MAGEA3: variants seen among roughly 807,000 people sequenced by gnomAD.
The protein encoded by MAGEA3 is MAGE family member A3.
For missense variants in MAGEA3, 207 were observed against 239.1 expected, an observed-to-expected ratio of 0.87 and a Z score of 0.89; for synonymous variants, 110 against 102.2, an observed-to-expected ratio of 1.08 and a Z score of -0.46.
Position 152,701,128 on chromosome X carries a change from C to T in MAGEA3, c.296C>T (p.Pro99Leu), listed in dbSNP as rs1931735709. The change falls in exon 3 of 3, where the codon CCT (proline) becomes CTT (leucine). Residue 99 changes from proline (P) to leucine (L), a missense_variant. Pro to Leu is a moderately conservative substitution (Grantham distance 98). Coordinates refer to ENST00000370278, the MANE Select transcript of MAGEA3 (RefSeq NM_005362.4). ...GAAGAGGAGGGGCCAAGCACCTTCCCTGACCTGGAGTCCGAGTTCCAAGCA... is the reference window on the plus strand; with the variant it reads ...GAAGAGGAGGGGCCAAGCACCTTCCTTGACCTGGAGTCCGAGTTCCAAGCA... The part of the protein sequence containing the change: ...NQEEEGPSTF[P>L]DLESEFQAAL... 33 of 1,206,226 alleles carry T rather than the reference C, an allele frequency of 2.7e-5. No homozygotes were observed. Among genetic ancestry groups the T allele is most frequent in the Non-Finnish European group, 3.7e-5 (33 of 893,348 alleles).
chrX:152,700,041 C>A (rs1186020433), intron 1 of MAGEA3, among the ~76,000 whole-genome samples: 1 of 106,690 alleles, frequency 9.4e-6, no homozygotes, highest in Non-Finnish European at 1.9e-5. Flanking sequence ...GCAGTCTCCT[C>A]ACCCAGGGTA....
chrX:152,701,230 C>G lies in MAGEA3; in HGVS notation c.398C>G (p.Ala133Gly), dbSNP rs2124945558. The change falls in exon 3 of 3, where the codon GCA becomes GGA. Residue 133 changes from alanine to glycine, a missense_variant. Coordinates refer to ENST00000370278, the MANE Select transcript of MAGEA3 (RefSeq NM_005362.4). ...CGAGCCAGGGAGCCGGTCACAAAGGCAGAAATGCTGGGGAGTGTCGTCGGA... is the reference window on the plus strand; with the variant it reads ...CGAGCCAGGGAGCCGGTCACAAAGGGAGAAATGCTGGGGAGTGTCGTCGGA... The part of the protein sequence containing the change: ...KYRAREPVTK[A>G]EMLGSVVGNW... The G allele has an allele frequency of 7.4e-6, 9 of 1,209,970 alleles. No individual in the cohort carries two copies. The highest frequency in any genetic ancestry group is 1.0e-5 in the Non-Finnish European group (9 of 894,274).
rs149483923 is a variant in MAGEA3 at position 152,701,529 on chromosome X, G to T, written c.697G>T (p.Gly233Trp). Reference protein sequence around the residue: ...EELSVLEVFEGREDSILGDPK... With the variant: ...EELSVLEVFEWREDSILGDPK... ...GCTGAGTGTGTTAGAGGTGTTTGAG[G>T]GGAGGGAAGACAGTATCTTGGGGGA... Residue 233 changes from glycine (G) to tryptophan (W), a missense_variant, in exon 3 of 3, where the codon GGG becomes TGG. Transcript: ENST00000370278. 1 of 1,210,410 alleles carries T rather than the reference G, an allele frequency of 8.3e-7. No homozygotes were observed. Among genetic ancestry groups the T allele is most frequent in the South Asian group, 1.8e-5 (1 of 56,873 alleles).
At chrX:152,700,330 C>T (rs1184614170) in intron 1 of MAGEA3, among the ~76,000 whole-genome samples, 4 of 104,809 alleles carry the variant, frequency 3.8e-5, no homozygotes, top group Admixed American at 3.0e-4. Flanking sequence ...TCCGTGGCTG[C>T]GTTTGCTGTC....
At position 152,701,568 on chromosome X, in the gene MAGEA3, C is replaced by T. The variant is rs1931765822; in HGVS notation, c.736C>T (p.Leu246Phe). 1 of 1,208,916 alleles carries T rather than the reference C, an allele frequency of 8.3e-7. No individual in the cohort carries two copies. The highest frequency in any genetic ancestry group is 1.7e-5 in the African/African-American group (1 of 57,288). Residue 246 changes from leucine to phenylalanine, a missense_variant, in exon 3 of 3, where the codon CTC (leucine) becomes TTC (phenylalanine). Leu to Phe is a conservative substitution (Grantham distance 22). Transcript: ENST00000370278. ...DSILGDPKKL[L>F]TQHFVQENYL... is the part of the protein sequence containing the mutation. ...TATCTTGGGGGATCCCAAGAAGCTG[C>T]TCACCCAACATTTCGTGCAGGAAAA...
In MAGEA3 at chrX:152,702,178, G is replaced by A. The variant is rs1464812574; in HGVS notation, c.*401G>A. The A allele has an allele frequency of 2.4e-5, 4 of 168,897 alleles. No homozygotes were observed. The South Asian group carries it at 6.7e-4, about 28-fold the overall frequency. The allele number at this position is 168,897 out of a possible 1,213,427, so 13.9% of individuals were successfully genotyped here. A position where few individuals can be genotyped will look rare whatever the true frequency, so the allele number is the denominator to read the frequency against. On this transcript the variant is annotated 3_prime_UTR_variant, in exon 3 of 3. Coordinates refer to ENST00000370278, the MANE Select transcript of MAGEA3 (RefSeq NM_005362.4). ...AAAGTATTTGCTTAAAATTGTGAGCGAATTAGCAATAACATACATGAGATA... is the reference window on the plus strand; with the variant it reads ...AAAGTATTTGCTTAAAATTGTGAGCAAATTAGCAATAACATACATGAGATA...
In MAGEA3 at chrX:152,701,548, TG is replaced by T. The variant is rs1931764511; in HGVS notation, c.721del (p.Asp241IlefsTer44). 6 of 1,208,791 alleles carry T rather than the reference TG, an allele frequency of 5.0e-6. No homozygotes were observed. On this transcript the variant is annotated frameshift_variant, in exon 3 of 3. Transcript: ENST00000370278. LOFTEE classifies it low-confidence loss of function (END_TRUNC). Reference sequence around the variant, plus strand: ...TTTGAGGGGAGGGAAGACAGTATCTTGGGGGATCCCAAGAAGCTGCTCACCC... The same window carrying T: ...TTTGAGGGGAGGGAAGACAGTATCTTGGGGATCCCAAGAAGCTGCTCACCC... ...EVFEGREDSI[L>X]GDPKKLLTQH...
rs782578227 is a variant in MAGEA3 at position 152,701,396 on chromosome X, C to T, written c.564C>T (p.Gly188=). The T allele has an allele frequency of 2.2e-5, 26 of 1,208,929 alleles. No individual in the cohort carries two copies. The Admixed American group carries it at 3.9e-4, about 18-fold the overall frequency. The change falls in exon 3 of 3, where the codon GGC becomes GGT. Residue 188 remains glycine (G), a synonymous_variant. Transcript: ENST00000370278. ...FATCLGLSYD[G]LLGDNQIMPK... ...CCTGCCTGGGCCTCTCCTACGATGG[C>T]CTGCTGGGTGACAATCAGATCATGC...
rs1556827186 is a variant in MAGEA3 at position 152,701,736 on chromosome X, C to G, written c.904C>G (p.Pro302Ala). The change falls in exon 3 of 3, where the codon CCA (proline) becomes GCA (alanine). Residue 302 changes from proline to alanine, a missense_variant. Transcript: ENST00000370278. ...CAGTGGAGGACCTCACATTTCCTAC[C>G]CACCCCTGCATGAGTGGGTTTTGAG... ...KISGGPHISY[P>A]PLHEWVLREG... The G allele has an allele frequency of 1.7e-6, 2 of 1,208,104 alleles. No homozygotes were observed. The highest frequency in any genetic ancestry group is 3.5e-5 in the African/African-American group (2 of 57,171).
At position 152,701,783 on chromosome X, in the gene MAGEA3, A is replaced by C. The variant is rs1931782442; in HGVS notation, c.*6A>C. 3.4e-5 allele frequency: 41 copies of C among 1,200,685 alleles called. No homozygotes were observed. The South Asian group carries it at 6.9e-4, about 20-fold the overall frequency. On this transcript the variant is annotated 3_prime_UTR_variant, in exon 3 of 3. Coordinates refer to ENST00000370278, the MANE Select transcript of MAGEA3 (RefSeq NM_005362.4). ...TGAGAGAGGGGGAAGAGTGAGTCTG[A>C]GCACGAGTTGCAGCCAGGGCCAGTG...
At position 152,701,828 on chromosome X, in the gene MAGEA3, G is replaced by A. The variant is rs1556827308; in HGVS notation, c.*51G>A. On this transcript the variant is annotated 3_prime_UTR_variant, in exon 3 of 3. Transcript: ENST00000370278. The stretch of plus-strand genomic sequence containing the variant: ...CCAGTGGGAGGGGGTCTGGGCCAGT[G>A]CACCTTCCGGGGCCGCATCCCTTAG... The A allele has an allele frequency of 6.6e-5, 75 of 1,136,559 alleles. No homozygotes were observed. The highest frequency in any genetic ancestry group is 8.3e-5 in the Non-Finnish European group (70 of 843,432). The allele number at this position is 1,136,559 out of a possible 1,213,427, so 93.7% of individuals were successfully genotyped here. A position where few individuals can be genotyped will look rare whatever the true frequency, so the allele number is the denominator to read the frequency against.
At position 152,701,218 on chromosome X, in the gene MAGEA3, C is replaced by G; in HGVS notation, c.386C>G (p.Pro129Arg). 14 of 1,209,861 alleles carry G rather than the reference C, an allele frequency of 1.2e-5. No individual in the cohort carries two copies. Among genetic ancestry groups the G allele is most frequent in the South Asian group, 1.8e-5 (1 of 56,849 alleles). Reference protein sequence around the residue: ...FLLLKYRAREPVTKAEMLGSV... With the variant: ...FLLLKYRARERVTKAEMLGSV... ...CTCCTCAAGTATCGAGCCAGGGAGCCGGTCACAAAGGCAGAAATGCTGGGG... is the reference window on the plus strand; with the variant it reads ...CTCCTCAAGTATCGAGCCAGGGAGCGGGTCACAAAGGCAGAAATGCTGGGG... The change falls in exon 3 of 3, where the codon CCG becomes CGG. Residue 129 changes from proline (P) to arginine (R), a missense_variant. Coordinates refer to ENST00000370278, the MANE Select transcript of MAGEA3 (RefSeq NM_005362.4).
chrX:152,701,566 T>G lies in MAGEA3; in HGVS notation c.734T>G (p.Leu245Arg). ...EDSILGDPKK[L>R]LTQHFVQENY... Reference sequence around the variant, plus strand: ...AGTATCTTGGGGGATCCCAAGAAGCTGCTCACCCAACATTTCGTGCAGGAA... The same window carrying G: ...AGTATCTTGGGGGATCCCAAGAAGCGGCTCACCCAACATTTCGTGCAGGAA... Residue 245 changes from leucine to arginine, a missense_variant, in exon 3 of 3, where the codon CTG (leucine) becomes CGG (arginine). Physicochemically the swap from Leu to Arg is moderately radical, Grantham distance 102 (BLOSUM62 -2). Coordinates refer to ENST00000370278, the MANE Select transcript of MAGEA3 (RefSeq NM_005362.4). 1 of 1,210,414 alleles carries G rather than the reference T, an allele frequency of 8.3e-7. No homozygotes were observed. Among genetic ancestry groups the G allele is most frequent in the Non-Finnish European group, 1.1e-6 (1 of 894,515 alleles).
intron 1 of MAGEA3, 39 bp from the exon 2 acceptor site, chrX:152,700,583 C>T (rs1305005085): frequency 2.2e-5 from 13 of 597,202 alleles, no homozygotes; most frequent in African/African-American, 4.8e-5. Flanking sequence ...ATGCGCTGGC[C>T]GGATGTACCC....
At position 152,702,267 on chromosome X, in the gene MAGEA3, C is replaced by T. The variant is rs1931802126; in HGVS notation, c.*490C>T. The T allele has an allele frequency of 1.2e-5, 1 of 81,920 alleles. No individual in the cohort carries two copies. The highest frequency in any genetic ancestry group is 6.0e-5 in the African/African-American group (1 of 16,800). 6.8% of individuals were successfully genotyped at this position (81,920 alleles called of 1,213,427 possible). A position where few individuals can be genotyped will look rare whatever the true frequency, so the allele number is the denominator to read the frequency against. ...CCTCAATCTATTCTGTAAAATTAAACAAATATGCAAACCAGGATTTCCTTG... is the reference window on the plus strand; with the variant it reads ...CCTCAATCTATTCTGTAAAATTAAATAAATATGCAAACCAGGATTTCCTTG... On this transcript the variant is annotated 3_prime_UTR_variant, in exon 3 of 3. Transcript: ENST00000370278.
chrX:152,700,530 C>T (rs1474006639), intron 1 of MAGEA3, 92 bp from the exon 2 acceptor site: 9 of 475,438 alleles, frequency 1.9e-5, no homozygotes, highest in African/African-American at 5.3e-5. Context: ...GACTCCAGAG[C>T]GCCTGGCCTC....
chrX:152,701,999 C>T lies in MAGEA3; in HGVS notation c.*222C>T, dbSNP rs1487677204. The T allele has an allele frequency of 3.3e-5, 14 of 430,495 alleles. No homozygotes were observed. Among genetic ancestry groups the T allele is most frequent in the Admixed American group, 8.7e-5 (2 of 22,979 alleles). The allele number at this position is 430,495 out of a possible 1,213,427, so 35.5% of individuals were successfully genotyped here. On this transcript the variant is annotated 3_prime_UTR_variant, in exon 3 of 3. Coordinates refer to ENST00000370278, the MANE Select transcript of MAGEA3 (RefSeq NM_005362.4). ...GGAGTTGTTCAAATGTTCCTTTTAA[C>T]GGATGGTTGAATGAGCGTCAGCATC...
rs1556826990 is a variant in MAGEA3 at position 152,701,627 on chromosome X, T to A, written c.795T>A (p.Asp265Glu). 7 of 1,210,340 alleles carry A rather than the reference T, an allele frequency of 5.8e-6. No homozygotes were observed. Among genetic ancestry groups the A allele is most frequent in the Non-Finnish European group, 6.7e-6 (6 of 894,474 alleles). The stretch of plus-strand genomic sequence containing the variant: ...AGTACCGGCAGGTCCCCGGCAGTGA[T>A]CCTGCATGTTATGAATTCCTGTGGG... ...YLEYRQVPGS[D>E]PACYEFLWGP... The change falls in exon 3 of 3, where the codon GAT becomes GAA. Residue 265 changes from aspartate to glutamate, a missense_variant. By Grantham distance (45) the Asp-to-Glu change is conservative. Coordinates refer to ENST00000370278, the MANE Select transcript of MAGEA3 (RefSeq NM_005362.4).
chrX:152,701,459 C>G lies in MAGEA3; in HGVS notation c.627C>G (p.Ile209Met). 1 of 1,210,214 alleles carries G rather than the reference C, an allele frequency of 8.3e-7. No homozygotes were observed. The highest frequency in any genetic ancestry group is 1.1e-6 in the Non-Finnish European group (1 of 894,540). Reference protein sequence around the residue: ...AGLLIIVLAIIAREGDCAPEE... With the variant: ...AGLLIIVLAIMAREGDCAPEE... ...TCCTGATAATCGTCCTGGCCATAAT[C>G]GCAAGAGAGGGCGACTGTGCCCCTG... The change falls in exon 3 of 3, where the codon ATC becomes ATG. Residue 209 changes from isoleucine (I) to methionine (M), a missense_variant. Transcript: ENST00000370278.
Sources: allele counts gnomAD v4.1 joint callset (sites outside exome capture counted in the v4.1 genomes callset), GRCh38; gene constraint gnomAD v4.1.1; transcripts MANE v1.5; gene names NCBI Gene and HGNC (gene_info 2026-07-23, HGNC 2026-07-21).